The following ANKS1B variants were observed in gnomAD, a reference collection of about 807,000 sequenced individuals.
ANKS1B encodes ankyrin repeat and sterile alpha motif domain containing 1B.
A neutral mutation model predicts 148.3 loss-of-function variants in ANKS1B; 36 were observed. The ratio of observed to expected loss-of-function variants is 0.24; its 90% CI spans 0.19 to 0.32. The LOEUF is 0.32. Ranked by LOEUF, ANKS1B falls within the 10% of genes least tolerant of loss-of-function variation. The pLI, the probability that ANKS1B is intolerant of heterozygous loss-of-function variation, is 1.00. For synonymous variants in ANKS1B, 542 were observed against 560.8 expected, an observed-to-expected ratio of 0.97 and a Z score of 0.47; for missense variants, 1,157 against 1,542.6, an observed-to-expected ratio of 0.75 and a Z score of 4.19.
intron 4 of ANKS1B, among the ~76,000 whole-genome samples, chr12:99,798,324 C>G (rs2066492148): frequency 2.7e-5 from 4 of 150,554 alleles, no homozygotes; most frequent in African/African-American, 9.8e-5. Flanking sequence ...GATAACCTTA[C>G]TGGAGATGAA....
At chr12:98,889,090 G>A (rs537666270) in intron 17 of ANKS1B, among the ~76,000 whole-genome samples, 3 of 152,302 alleles carry the variant, frequency 2.0e-5, no homozygotes, top group African/African-American at 7.2e-5. Context: ...CAGAATGCAT[G>A]TTCTTTAAAA....
At chr12:99,523,975 T>A (rs1393498312) in intron 9 of ANKS1B, among the ~76,000 whole-genome samples, 3 of 152,226 alleles carry the variant, frequency 2.0e-5, no homozygotes, top group African/African-American at 7.2e-5. Context: ...GTTACCTGAA[T>A]ATATTCACTG....
intron 9 of ANKS1B, among the ~76,000 whole-genome samples, chr12:99,540,699 A>T (rs1215364269): frequency 6.6e-6 from 1 of 152,116 alleles, no homozygotes; most frequent in African/African-American, 2.4e-5. Flanking sequence ...GCCTATTTTT[A>T]AAAAGACATA....
At chr12:99,840,867 T>C (rs1221995023) in intron 1 of ANKS1B, among the ~76,000 whole-genome samples, 1 of 152,186 alleles carries the variant, frequency 6.6e-6, no homozygotes, top group Non-Finnish European at 1.5e-5. Context: ...GTCTTGTTGA[T>C]GAATTTAACG....
chr12:99,552,214 A>G (rs1056193100), intron 9 of ANKS1B, among the ~76,000 whole-genome samples: 15 of 152,154 alleles, frequency 9.9e-5, no homozygotes, highest in African/African-American at 3.6e-4. Context: ...ATTATAATGA[A>G]ATGATTGTGA....
intron 9 of ANKS1B, among the ~76,000 whole-genome samples, chr12:99,611,500 C>T (rs943519439): frequency 3.9e-5 from 6 of 152,064 alleles, no homozygotes; most frequent in Non-Finnish European, 5.9e-5. Context: ...TCTGTAAGTG[C>T]CTCCCTGTTT....
At chr12:99,814,712 T>C (rs2068879551) in intron 2 of ANKS1B, among the ~76,000 whole-genome samples, 1 of 151,790 alleles carries the variant, frequency 6.6e-6, no homozygotes, top group South Asian at 2.1e-4. Flanking sequence ...CTTTCAGATA[T>C]TGTGAAAATA....
intron 12 of ANKS1B, among the ~76,000 whole-genome samples, chr12:99,396,024 C>T (rs2094232298): frequency 6.6e-6 from 1 of 151,980 alleles, no homozygotes; most frequent in Admixed American, 6.6e-5. Context: ...ACAACAGGCC[C>T]CCCTATCTTA....
In ANKS1B at chr12:98,800,675, G is replaced by GATATATATATATATATATATAT. The variant is rs3049844; in HGVS notation, c.3270+321_3270+322insATATATATATATATATATATAT. On this transcript the variant is annotated intron_variant, in intron 21 of 26. Coordinates refer to ENST00000683438, the MANE Select transcript of ANKS1B (RefSeq NM_001352186.2). ...ACCCAGTGTTTGGTGAGTGAGCAGAGATATATATATATATATGCCATATTT... is the reference window on the plus strand; with the variant it reads ...ACCCAGTGTTTGGTGAGTGAGCAGAGATATATATATATATATATATATATATATATATATATATGCCATATTT... Among the ~76,000 whole-genome samples, 79 of 99,688 alleles carry GATATATATATATATATATATAT rather than the reference G, an allele frequency of 7.9e-4. 3 individuals are homozygous for GATATATATATATATATATATAT. The highest frequency in any genetic ancestry group is 1.6e-3 in the East Asian group (3 of 1,836). 65.4% of individuals were successfully genotyped at this position (99,688 alleles called of 152,430 possible).
intron 24 of ANKS1B, among the ~76,000 whole-genome samples, chr12:98,776,132 A>G (rs2098671728): frequency 6.6e-6 from 1 of 152,240 alleles, no homozygotes; most frequent in Admixed American, 6.5e-5. Flanking sequence ...CCTGTGCAGA[A>G]TGGTGAAGCC....
chr12:99,389,287 T>C (rs920975507), intron 12 of ANKS1B, among the ~76,000 whole-genome samples: 1 of 152,130 alleles, frequency 6.6e-6, no homozygotes, highest in Non-Finnish European at 1.5e-5. Flanking sequence ...GGTAAACACA[T>C]GAGGCACCCA....
At chr12:98,945,147 AT>A (rs779428689) in intron 17 of ANKS1B, among the ~76,000 whole-genome samples, 3 of 152,114 alleles carry the variant, frequency 2.0e-5, no homozygotes, top group Non-Finnish European at 4.4e-5. Flanking sequence ...CAGATTCCAG[AT>A]TTCATGTCCC....
intron 17 of ANKS1B, among the ~76,000 whole-genome samples, chr12:98,921,677 T>A (rs1339520357): frequency 6.6e-6 from 1 of 152,146 alleles, no homozygotes; most frequent in Non-Finnish European, 1.5e-5. Context: ...ATTGTTGTGA[T>A]CTGTTTGCCT....
chr12:99,731,291 G>A (rs2059122537), intron 8 of ANKS1B, among the ~76,000 whole-genome samples: 1 of 152,052 alleles, frequency 6.6e-6, no homozygotes, highest in African/African-American at 2.4e-5. Context: ...GATAATTTTT[G>A]TATTTTTAGT....
chr12:99,035,940 A>T (rs1438356142), intron 17 of ANKS1B, among the ~76,000 whole-genome samples: 3 of 152,158 alleles, frequency 2.0e-5, no homozygotes, highest in Non-Finnish European at 4.4e-5. Flanking sequence ...CCACTGGGTG[A>T]GCTGCTCAGG....
chr12:99,580,196 G>A (rs1342788914), intron 9 of ANKS1B, among the ~76,000 whole-genome samples: 2 of 152,036 alleles, frequency 1.3e-5, no homozygotes, highest in Non-Finnish European at 2.9e-5. Flanking sequence ...GCCTACTTGA[G>A]GGTAGAGGGT....
intron 10 of ANKS1B, among the ~76,000 whole-genome samples, chr12:99,455,262 T>C (rs1348963659): frequency 3.3e-5 from 5 of 151,994 alleles, no homozygotes; most frequent in Non-Finnish European, 5.9e-5. Context: ...TGACTCTCTA[T>C]GAAAGGAAGT....
In ANKS1B at chr12:99,428,158, G is replaced by A. The variant is rs1274791332; in HGVS notation, c.1575+15515C>T. Among the ~76,000 whole-genome samples, 5 of 152,132 alleles carry A rather than the reference G, an allele frequency of 3.3e-5. No homozygotes were observed. In the East Asian group the frequency reaches 9.6e-4, roughly 29 times the overall value. On this transcript the variant is annotated intron_variant, in intron 11 of 26. Coordinates refer to ENST00000683438, the MANE Select transcript of ANKS1B (RefSeq NM_001352186.2). ...TTGGGTGAGTAGGGTATCCTTGTAG[G>A]GTATCCTCCTACTGGCAGTGTGAGG...
chr12:99,298,209 CCT>C (rs1167837404), intron 12 of ANKS1B, among the ~76,000 whole-genome samples: 1 of 152,130 alleles, frequency 6.6e-6, no homozygotes, highest in East Asian at 1.9e-4. Context: ...TTGAATGTTT[CCT>C]ACGTACCAAT....
Sources: allele counts gnomAD v4.1 joint callset (sites outside exome capture counted in the v4.1 genomes callset), GRCh38; gene constraint gnomAD v4.1.1; transcripts MANE v1.5; gene names NCBI Gene and HGNC (gene_info 2026-07-23, HGNC 2026-07-21).